The following TBC1D4 variants were observed in gnomAD, a reference collection of about 807,000 sequenced individuals.
TBC1D4 encodes TBC1 domain family member 4, also known as TBC (Tre-2, BUB2, CDC16) domain-containing protein.
Under a neutral mutation model 142.5 loss-of-function variants are expected in TBC1D4, and 121 were observed. The ratio of observed to expected loss-of-function variants is 0.85; its 90% CI spans 0.73 to 0.99. The LOEUF is 0.99. Ranked by LOEUF, TBC1D4 falls within the 50% of genes least tolerant of loss-of-function variation. The pLI is 0.00. For missense variants in TBC1D4, 1,475 were observed against 1,606.6 expected (o/e 0.92, Z 1.40); for synonymous variants, 630 against 628.2 (o/e 1.00, Z -0.04).
chr13:75,409,953 A>T (rs182520409), intron 1 of TBC1D4, among the ~76,000 whole-genome samples: 1 of 152,322 alleles, frequency 6.6e-6, no homozygotes, highest in Admixed American at 6.5e-5. Context: ...CACTTGACAG[A>T]TGTTGTAAAG....
intron 13 of TBC1D4, among the ~76,000 whole-genome samples, chr13:75,311,637 T>C (rs889878261): frequency 6.6e-6 from 1 of 152,190 alleles, no homozygotes; most frequent in Non-Finnish European, 1.5e-5. Context: ...GGTAAGGCTC[T>C]AAGCATTGAA....
chr13:75,421,043 G>C (rs906301764), intron 1 of TBC1D4, among the ~76,000 whole-genome samples: 4 of 152,154 alleles, frequency 2.6e-5, no homozygotes, highest in Admixed American at 1.3e-4. Flanking sequence ...TTAAAATTTA[G>C]ATTACTTATC....
intron 1 of TBC1D4, among the ~76,000 whole-genome samples, chr13:75,406,755 G>A (rs1885366394): frequency 6.6e-6 from 1 of 152,138 alleles, no homozygotes; most frequent in Non-Finnish European, 1.5e-5. Flanking sequence ...ATACCAAATT[G>A]GAAAGGTCCT....
At chr13:75,348,950 AGAGAGTGTGTGTGTGTGTGTGT>A (rs1346980235) in intron 5 of TBC1D4, among the ~76,000 whole-genome samples, 198 bp downstream of exon 5, 1 of 124,914 alleles carries the variant, frequency 8.0e-6, no homozygotes, top group African/African-American at 3.1e-5. Context: ...AGAGAGAGAG[AGAGAGTGTGTGTGTGTGTGTGT>A]GTGTGTGTGT....
chr13:75,330,656 T>C (rs920612058), intron 8 of TBC1D4, among the ~76,000 whole-genome samples: 2 of 152,244 alleles, frequency 1.3e-5, no homozygotes, highest in African/African-American at 4.8e-5. Context: ...TCCTGAGCTG[T>C]TACTACTACA....
rs1877943196 is a variant in TBC1D4, at chr13:75,313,022, T to C, written c.2223-124A>G. The C allele has an allele frequency of 5.7e-6, 6 of 1,047,558 alleles. No homozygotes were observed. In the Admixed American group the frequency reaches 7.8e-5, roughly 14 times the overall value. The allele number at this position is 1,047,558 out of a possible 1,614,324, so 64.9% of individuals were successfully genotyped here. ...GGGCAAGCACAAGCCACAGGCAACA[T>C]GGAGCAATGCATCACCAGGCACACT... is the stretch of plus-strand genomic sequence containing the variant. On this transcript the variant is annotated intron_variant, in intron 12 of 20. Transcript: ENST00000377636.
At chr13:75,291,563 T>A (rs888790800) in intron 19 of TBC1D4, among the ~76,000 whole-genome samples, 1 of 152,114 alleles carries the variant, frequency 6.6e-6, no homozygotes, top group African/African-American at 2.4e-5. Flanking sequence ...ACACCAAGTC[T>A]CCTCACTGAA....
chr13:75,443,055 T>C (rs1250552403), intron 1 of TBC1D4, among the ~76,000 whole-genome samples: 1 of 152,246 alleles, frequency 6.6e-6, no homozygotes, highest in Non-Finnish European at 1.5e-5. Flanking sequence ...GTTTATTTGA[T>C]GAAGTTTATC....
intron 1 of TBC1D4, among the ~76,000 whole-genome samples, chr13:75,400,981 T>C (rs757065222): frequency 6.9e-4 from 105 of 152,170 alleles, no homozygotes; most frequent in Non-Finnish European, 1.6e-4. Context: ...ATATATGCTG[T>C]CACTAATTAA....
intron 1 of TBC1D4, among the ~76,000 whole-genome samples, chr13:75,462,543 GAAAA>G (rs34901787): frequency 2.1e-5 from 3 of 146,100 alleles, no homozygotes; most frequent in Admixed American, 6.8e-5. Context: ...AGGGAAAAAG[GAAAA>G]AAAAAAAAAA....
chr13:75,315,576 C>T (rs924190097), intron 12 of TBC1D4, among the ~76,000 whole-genome samples: 26 of 151,976 alleles, frequency 1.7e-4, no homozygotes, highest in East Asian at 1.4e-3. Context: ...TTTTGTAACA[C>T]GACCTTGATG....
chr13:75,349,020 GC>G (rs1438520868), intron 5 of TBC1D4, 149 bp downstream of exon 5: 2 of 1,000,968 alleles, frequency 2.0e-6, no homozygotes, highest in African/African-American at 1.6e-5. Flanking sequence ...GAGATTGACA[GC>G]CCACTCACAT....
Position 75,288,801 on chromosome 13 carries a change from T to C in TBC1D4, c.3663+133A>G, listed in dbSNP as rs537490478. 203 of 946,178 alleles carry C rather than the reference T, an allele frequency of 2.1e-4. 3 individuals are homozygous for C. In the South Asian group the frequency reaches 2.7e-3, roughly 13 times the overall value. The allele number at this position is 946,178 out of a possible 1,614,324, so 58.6% of individuals were successfully genotyped here. On this transcript the variant is annotated intron_variant, in intron 20 of 20. Transcript: ENST00000377636. ...CATGTCATTTGTAGCCCCAGAGCACTTGGACAGTCTGATACATGGGCTCTT... is the reference window on the plus strand; with the variant it reads ...CATGTCATTTGTAGCCCCAGAGCACCTGGACAGTCTGATACATGGGCTCTT...
intron 1 of TBC1D4, among the ~76,000 whole-genome samples, chr13:75,433,097 T>A (rs1886657176): frequency 2.0e-5 from 3 of 152,170 alleles, no homozygotes; most frequent in Admixed American, 2.0e-4. Flanking sequence ...CAACTCTCAC[T>A]CACCATTCCA....
intron 1 of TBC1D4, among the ~76,000 whole-genome samples, chr13:75,380,617 C>T (rs181573599): frequency 3.3e-5 from 5 of 152,048 alleles, no homozygotes; most frequent in East Asian, 1.9e-4. Context: ...TTCACCTTCT[C>T]GGCATTTTAT....
At chr13:75,384,612 A>G (rs1884067338) in intron 1 of TBC1D4, among the ~76,000 whole-genome samples, 1 of 151,780 alleles carries the variant, frequency 6.6e-6, no homozygotes, top group Non-Finnish European at 1.5e-5. Context: ...ACCGCAAAAT[A>G]CAGGAATATG....
chr13:75,327,927 T>A, intron 8 of TBC1D4, 101 bp from the exon 9 acceptor site: 1 of 1,179,254 alleles, frequency 8.5e-7, no homozygotes. Flanking sequence ...TAGCATTAAA[T>A]TGATCATTTT....
intron 9 of TBC1D4, among the ~76,000 whole-genome samples, chr13:75,326,743 C>A (rs1449654782): frequency 6.6e-6 from 1 of 152,174 alleles, no homozygotes; most frequent in Non-Finnish European, 1.5e-5. Context: ...TCCCCTGACA[C>A]TTTGTGATGA....
chr13:75,401,636 A>G (rs1885099454), intron 1 of TBC1D4, among the ~76,000 whole-genome samples: 1 of 152,260 alleles, frequency 6.6e-6, no homozygotes, highest in African/African-American at 2.4e-5. Flanking sequence ...ATACAGATTA[A>G]TCTACATTTT....
Sources: allele counts gnomAD v4.1 joint callset (sites outside exome capture counted in the v4.1 genomes callset), GRCh38; gene constraint gnomAD v4.1.1; transcripts MANE v1.5; gene names NCBI Gene and HGNC (gene_info 2026-07-23, HGNC 2026-07-21).